FER: variants seen among roughly 807,000 people sequenced by gnomAD.
FER encodes FER tyrosine kinase.
FER carries 63 observed loss-of-function variants against 111.0 expected under a neutral mutation model. The ratio of observed to expected loss-of-function variants is 0.57; its 90% confidence interval spans 0.46 to 0.70. FER has a LOEUF of 0.70. Among genes scored for constraint, FER ranks in the 30% least tolerant of loss-of-function variants. The pLI is 0.00. For missense variants in FER, 914 were observed against 954.0 expected, an observed-to-expected ratio of 0.96 and a Z score of 0.55; for synonymous variants, 327 against 313.9, an observed-to-expected ratio of 1.04 and a Z score of -0.44.
At chr5:108,933,617 T>C (rs1755014765) in intron 10 of FER, among the ~76,000 whole-genome samples, 1 of 152,210 alleles carries the variant, frequency 6.6e-6, no homozygotes, top group Non-Finnish European at 1.5e-5. Flanking sequence ...CTAGTTTTTT[T>C]TCTAATTCTA....
chr5:109,136,141 A>C (rs1228463373), intron 17 of FER, among the ~76,000 whole-genome samples: 2 of 151,922 alleles, frequency 1.3e-5, no homozygotes, highest in Admixed American at 1.3e-4. Context: ...CTGTAATCCC[A>C]GCTACTTGGG....
chr5:108,988,813 T>C (rs1310799286), intron 13 of FER, among the ~76,000 whole-genome samples: 4 of 152,094 alleles, frequency 2.6e-5, no homozygotes, highest in African/African-American at 7.2e-5. Flanking sequence ...GCTCTGATCT[T>C]TGTTGTTTCT....
chr5:109,028,359 C>A (rs1199560355), intron 13 of FER, among the ~76,000 whole-genome samples: 7 of 151,730 alleles, frequency 4.6e-5, no homozygotes, highest in African/African-American at 1.7e-4. Context: ...GTTAAAAAAT[C>A]TGTTAGGAAT....
At chr5:109,142,340 T>G (rs1313282062) in intron 17 of FER, among the ~76,000 whole-genome samples, 1 of 152,162 alleles carries the variant, frequency 6.6e-6, no homozygotes, top group Non-Finnish European at 1.5e-5. Flanking sequence ...CCTAATTCCC[T>G]TCTCTAATGT....
At chr5:108,867,526 T>G (rs1764185527) in intron 5 of FER, among the ~76,000 whole-genome samples, 1 of 151,730 alleles carries the variant, frequency 6.6e-6, no homozygotes, top group African/African-American at 2.4e-5. Context: ...TGTGTTTTAC[T>G]TTGACCTTTA....
intron 16 of FER, among the ~76,000 whole-genome samples, chr5:109,092,629 G>C (rs1008900556): frequency 3.3e-5 from 5 of 151,544 alleles, no homozygotes; most frequent in Admixed American, 2.0e-4. Context: ...AGAGGATGTG[G>C]AGAAAACAGA....
At position 108,896,843 on chromosome 5, in the gene FER, T is replaced by C. The variant is rs1024546792; in HGVS notation, c.1047-816T>C. 6.2e-4 allele frequency among the ~76,000 whole-genome samples: 94 copies of C among 152,346 alleles called. 1 individual carries two copies. Among genetic ancestry groups the C allele is most frequent in the Non-Finnish European group, 8.8e-4 (60 of 68,028 alleles). On this transcript the variant is annotated intron_variant, in intron 9 of 19. Transcript: ENST00000281092. ...TTTGTCTAATTTATAATCTATTGTC[T>C]CTTACATATTAATAACTTACTTTCA...
chr5:108,998,781 C>T (rs549221645), intron 13 of FER, among the ~76,000 whole-genome samples: 3 of 152,260 alleles, frequency 2.0e-5, no homozygotes, highest in South Asian at 4.1e-4. Flanking sequence ...GTATGTTGAA[C>T]CAGCCTTGCA....
intron 2 of FER, among the ~76,000 whole-genome samples, chr5:108,771,264 A>G (rs1407905318): frequency 6.6e-6 from 1 of 152,148 alleles, no homozygotes; most frequent in East Asian, 1.9e-4. Context: ...TGTTTTCTCA[A>G]AAAAGTTAGT....
intron 5 of FER, among the ~76,000 whole-genome samples, chr5:108,855,307 T>C (rs1317304791): frequency 6.6e-6 from 1 of 151,992 alleles, no homozygotes; most frequent in Non-Finnish European, 1.5e-5. Context: ...AGCCCAACAT[T>C]AAGAAGTCAG....
chr5:108,883,014 G>T (rs181601556), intron 8 of FER, among the ~76,000 whole-genome samples: 4 of 151,972 alleles, frequency 2.6e-5, no homozygotes, highest in Admixed American at 2.0e-4. Context: ...GTTGTGAAGA[G>T]TAAATGAGAT....
At chr5:108,965,045 C>CA (rs1759619942) in intron 13 of FER, among the ~76,000 whole-genome samples, 2 of 151,804 alleles carry the variant, frequency 1.3e-5, no homozygotes, top group South Asian at 4.2e-4. Flanking sequence ...CATGGAAACT[C>CA]ACAGTTTGAA....
At position 108,755,862 on chromosome 5, in the gene FER, AC is replaced by A. The variant is rs1243766917; in HGVS notation, c.-206+7863del. Reference sequence around the variant, plus strand: ...ACCACATCTTGTTTTATGAAAATATACAGTATCAGCCGGGCACTGTGGGTCA... The same window carrying A: ...ACCACATCTTGTTTTATGAAAATATAAGTATCAGCCGGGCACTGTGGGTCA... On this transcript the variant is annotated intron_variant, in intron 1 of 19. Coordinates refer to ENST00000281092, the MANE Select transcript of FER (RefSeq NM_005246.4). 3.3e-5 allele frequency among the ~76,000 whole-genome samples: 5 copies of A among 150,540 alleles called. No homozygotes were observed. The East Asian group carries it at 1.0e-3, about 30-fold the overall frequency.
chr5:109,085,091 G>T (rs1486434354), intron 16 of FER, among the ~76,000 whole-genome samples: 1 of 151,796 alleles, frequency 6.6e-6, no homozygotes, highest in African/African-American at 2.4e-5. Context: ...TTTAGAAGCA[G>T]CTTGTCAAAT....
chr5:108,835,622 C>T (rs1760574239), intron 4 of FER, 86 bp from the exon 5 acceptor site: 6 of 765,850 alleles, frequency 7.8e-6, no homozygotes, highest in Admixed American at 3.0e-5. Flanking sequence ...GTGAAATACA[C>T]ATCAGTTAAT....
chr5:108,981,384 T>C (rs1173552060), intron 13 of FER, among the ~76,000 whole-genome samples: 1 of 151,956 alleles, frequency 6.6e-6, no homozygotes. Flanking sequence ...AAAAAGCATA[T>C]ATACATATTT....
intron 13 of FER, among the ~76,000 whole-genome samples, chr5:109,035,275 T>G (rs974977762): frequency 3.3e-5 from 5 of 152,026 alleles, no homozygotes; most frequent in African/African-American, 1.2e-4. Flanking sequence ...CCCCGCAAAG[T>G]TGCTTCTTTC....
Position 108,822,953 on chromosome 5 carries a change from C to G in FER, c.208-9817C>G, listed in dbSNP as rs188346110. Among the ~76,000 whole-genome samples, 777 of 152,090 alleles carry G rather than the reference C, an allele frequency of 5.1e-3. 7 individuals carry two copies. Among genetic ancestry groups the G allele is most frequent in the Middle Eastern group, 0.017 (5 of 294 alleles). The stretch of plus-strand genomic sequence containing the variant: ...TGGCGCCATCTCGGCTCACTGCAGC[C>G]TCTGCCTCTTGGGTTCAAGTGATTC... On this transcript the variant is annotated intron_variant, in intron 3 of 19. Transcript: ENST00000281092.
chr5:108,847,376 T>G (rs965656775), intron 5 of FER, among the ~76,000 whole-genome samples: 1 of 152,052 alleles, frequency 6.6e-6, no homozygotes, highest in African/African-American at 2.4e-5. Context: ...CTGAGAATGT[T>G]TTTATGACTT....
Sources: allele counts gnomAD v4.1 joint callset (sites outside exome capture counted in the v4.1 genomes callset), GRCh38; gene constraint gnomAD v4.1.1; transcripts MANE v1.5; gene names NCBI Gene and HGNC (gene_info 2026-07-23, HGNC 2026-07-21).